The following SUGP1 variants were observed in gnomAD, a reference collection of about 807,000 sequenced individuals.
The protein encoded by SUGP1 is SURP and G-patch domain containing 1.
Under a neutral mutation model 76.5 loss-of-function variants are expected in SUGP1, and 34 were observed. That is an observed-to-expected ratio of 0.44 (90% CI 0.34 to 0.59). SUGP1 has a LOEUF of 0.59. Ranked by LOEUF, SUGP1 falls within the 20% of genes least tolerant of loss-of-function variation. The pLI is 0.01. For missense variants in SUGP1, 752 were observed against 851.7 expected, an observed-to-expected ratio of 0.88 and a Z score of 1.46; for synonymous variants, 326 against 326.2, an observed-to-expected ratio of 1.00 and a Z score of 0.01.
At chr19:19,311,924 C>G (rs1364952551) in intron 2 of SUGP1, among the ~76,000 whole-genome samples, 1 of 151,814 alleles carries the variant, frequency 6.6e-6, no homozygotes, top group South Asian at 2.1e-4. Flanking sequence ...GCTGCAGTGA[C>G]ATATGATCAT....
At chr19:19,283,284 G>A (rs1752010878) in intron 8 of SUGP1, among the ~76,000 whole-genome samples, 1 of 151,138 alleles carries the variant, frequency 6.6e-6, no homozygotes, top group African/African-American at 2.4e-5. Context: ...CTTTTTTTTT[G>A]GATATGGAGT....
chr19:19,320,450 CG>C lies in SUGP1; in HGVS notation c.34+12del. 6.2e-7 allele frequency: 1 copy of C among 1,609,556 alleles called. No homozygotes were observed. The highest frequency in any genetic ancestry group is 8.5e-7 in the Non-Finnish European group (1 of 1,178,280). On this transcript the variant is annotated intron_variant, in intron 1 of 13. Coordinates refer to ENST00000247001, the MANE Select transcript of SUGP1 (RefSeq NM_172231.4). ...ACCCAGGCGGCCGCCTGAGAGGAGG[CG>C]GGGGCTGTTACCTGCAACATCCCGG...
rs751672219 is a variant in SUGP1, at chr19:19,302,328, G to A, written c.824C>T (p.Ala275Val). ...NLAEKLARFIADGGPEVETIA... is the reference protein window; with the variant it reads ...NLAEKLARFIVDGGPEVETIA... ...GGTTTCCACCTCGGGACCCCCGTCC[G>A]CTATGAACCTGGCCAACTTTTCTGC... Residue 275 changes from alanine to valine, a missense_variant, in exon 7 of 14, where the codon GCG (alanine) becomes GTG (valine). By Grantham distance (64) the Ala-to-Val change is moderately conservative. Around this residue, in one of 2 missense-constraint regions of SUGP1, gnomAD observed 620 missense variants for 617.3 expected, o/e 1.00. Coordinates refer to ENST00000247001, the MANE Select transcript of SUGP1 (RefSeq NM_172231.4). 8 of 1,614,038 alleles carry A rather than the reference G, an allele frequency of 5.0e-6. No homozygotes were observed. Among genetic ancestry groups the A allele is most frequent in the African/African-American group, 2.7e-5 (2 of 74,902 alleles).
intron 8 of SUGP1, among the ~76,000 whole-genome samples, chr19:19,293,817 C>G (rs1048430034): frequency 6.6e-6 from 1 of 152,156 alleles, no homozygotes; most frequent in African/African-American, 2.4e-5. Context: ...TAAGAAGTAT[C>G]CAAGTTGGAA....
chr19:19,287,983 C>T (rs1332016268), intron 8 of SUGP1, among the ~76,000 whole-genome samples: 4 of 152,196 alleles, frequency 2.6e-5, no homozygotes, highest in Admixed American at 1.3e-4. Flanking sequence ...CAACACGACA[C>T]TGATGAAGAT....
chr19:19,320,414 T>G, intron 1 of SUGP1, 49 bp downstream of exon 1: 1 of 1,600,398 alleles, frequency 6.2e-7, no homozygotes. Context: ...GGGAGACACC[T>G]AGCCCCAGGG....
chr19:19,290,038 G>A (rs2061169667), intron 8 of SUGP1, among the ~76,000 whole-genome samples: 1 of 152,114 alleles, frequency 6.6e-6, no homozygotes, highest in Non-Finnish European at 1.5e-5. Flanking sequence ...ATTTATGTCT[G>A]GAGATCTAAG....
intron 1 of SUGP1, among the ~76,000 whole-genome samples, chr19:19,318,117 T>TCTTTTTC (rs1555791508): frequency 1.5e-5 from 2 of 133,700 alleles, no homozygotes; most frequent in Non-Finnish European, 3.2e-5. Flanking sequence ...AGCCTTCTTT[T>TCTTTTTC]TTTTTTTTTT....
rs866478381 is a variant in SUGP1 at position 19,297,076 on chromosome 19, G to A, written c.1156C>T (p.Arg386Trp). 19 of 1,613,616 alleles carry A rather than the reference G, an allele frequency of 1.2e-5. No homozygotes were observed. Among genetic ancestry groups the A allele is most frequent in the East Asian group, 4.5e-5 (2 of 44,874 alleles). ...ACCTTATCCTCTTCAGGCCCCCACC[G>A]GCTCTTCCGCTTCCTCTTCACGGTG... ...AATVKRKRKS[R>W]WGPEEDKVEL... is the part of the protein sequence containing the mutation. The change falls in exon 8 of 14, where the codon CGG (arginine) becomes TGG (tryptophan). Residue 386 changes from arginine (R) to tryptophan (W), a missense_variant. Arg to Trp is a moderately radical substitution (Grantham distance 101). Coordinates refer to ENST00000247001, the MANE Select transcript of SUGP1 (RefSeq NM_172231.4).
At chr19:19,315,138 G>A (rs562914624) in intron 2 of SUGP1, among the ~76,000 whole-genome samples, 52 of 152,108 alleles carry the variant, frequency 3.4e-4, no homozygotes, top group Non-Finnish European at 5.9e-4. Context: ...ACCAACCTGG[G>A]CAACATAACA....
chr19:19,298,723 A>C (rs2061248137), intron 7 of SUGP1, among the ~76,000 whole-genome samples: 1 of 152,198 alleles, frequency 6.6e-6, no homozygotes, highest in African/African-American at 2.4e-5. Context: ...TCAGGAGAGA[A>C]GGGAACAGTT....
At chr19:19,305,537 CT>C in intron 4 of SUGP1, 1 of 263,816 alleles carries the variant, frequency 3.8e-6, no homozygotes, top group South Asian at 7.2e-5. Context: ...TGAGGATGCC[CT>C]TTTGGAGCAA....
rs959639549 is a variant in SUGP1 at position 19,276,605 on chromosome 19, C to T, written c.*43G>A. 2 of 1,613,202 alleles carry T rather than the reference C, an allele frequency of 1.2e-6. No homozygotes were observed. The highest frequency in any genetic ancestry group is 1.7e-5 in the Admixed American group (1 of 59,990). Reference sequence around the variant, plus strand: ...ATGCAGGCCGGAACATTCCACAGTCCAGGGACGGTTGGTCATTCAGAAAGT... The same window carrying T: ...ATGCAGGCCGGAACATTCCACAGTCTAGGGACGGTTGGTCATTCAGAAAGT... On this transcript the variant is annotated 3_prime_UTR_variant, in exon 14 of 14. Transcript: ENST00000247001.
intron 11 of SUGP1, 65 bp from the exon 12 acceptor site, chr19:19,277,944 C>T: frequency 1.3e-6 from 2 of 1,591,778 alleles, no homozygotes; most frequent in East Asian, 4.5e-5. Flanking sequence ...CAAATCCAAC[C>T]TTCTGCCTTT....
At chr19:19,287,645 A>G (rs2061151646) in intron 8 of SUGP1, among the ~76,000 whole-genome samples, 1 of 152,184 alleles carries the variant, frequency 6.6e-6, no homozygotes, top group African/African-American at 2.4e-5. Flanking sequence ...GATGGAAAGG[A>G]GTGCTTCCAA....
At chr19:19,296,951 A>C (rs1555789199) in intron 8 of SUGP1, 38 bp downstream of exon 8, 7 of 1,489,086 alleles carry the variant, frequency 4.7e-6, no homozygotes, top group Non-Finnish European at 6.3e-6. Flanking sequence ...AAGAAGTCAG[A>C]CCCTTCCAAC....
In SUGP1 at chr19:19,316,317, G is replaced by A. The variant is rs957644834; in HGVS notation, c.206+105C>T. 5 of 1,395,502 alleles carry A rather than the reference G, an allele frequency of 3.6e-6. No individual in the cohort carries two copies. In the African/African-American group the frequency reaches 5.7e-5, roughly 16 times the overall value. 86.4% of individuals were successfully genotyped at this position (1,395,502 alleles called of 1,614,324 possible). A position where few individuals can be genotyped will look rare whatever the true frequency, so the allele number is the denominator to read the frequency against. On this transcript the variant is annotated intron_variant, in intron 2 of 13. Transcript: ENST00000247001. ...GTCATTCCTTGGATCATCAGGCTAT[G>A]GCTGGGTGCAAGCACATGCTGACTG...
At chr19:19,302,224 G>A in intron 7 of SUGP1, 41 bp downstream of exon 7, 1 of 1,611,094 alleles carries the variant, frequency 6.2e-7, no homozygotes, top group Non-Finnish European at 8.5e-7. Context: ...GGGGGACTGT[G>A]GCCAGGGTGA....
chr19:19,301,627 C>T (rs1006138756), intron 7 of SUGP1: 1 of 152,934 alleles, frequency 6.5e-6, no homozygotes, highest in Admixed American at 6.5e-5. Flanking sequence ...GCATGTCACC[C>T]TCACATCCCC....
Sources: allele counts gnomAD v4.1 joint callset (sites outside exome capture counted in the v4.1 genomes callset), GRCh38; gene constraint gnomAD v4.1.1; regional missense constraint gnomAD v4.1.1; transcripts MANE v1.5; gene names NCBI Gene and HGNC (gene_info 2026-07-23, HGNC 2026-07-21).